The following MAPK10 variants were observed in gnomAD, a reference collection of about 807,000 sequenced individuals.
The protein encoded by MAPK10 is JNK3 alpha protein kinase.
Under a neutral mutation model 59.3 loss-of-function variants are expected in MAPK10, and 25 were observed. The observed-to-expected ratio is 0.42, with a 90% confidence interval of 0.31 to 0.59. MAPK10 has a LOEUF of 0.59. Ranked by LOEUF, MAPK10 falls within the 20% of genes least tolerant of loss-of-function variation. MAPK10 has a pLI of 0.15. For synonymous variants in MAPK10, 190 were observed against 200.5 expected, an observed-to-expected ratio of 0.95 and a Z score of 0.44; for missense variants, 351 against 568.9, an observed-to-expected ratio of 0.62 and a Z score of 3.90.
intron 2 of MAPK10, among the ~76,000 whole-genome samples, chr4:86,238,420 C>T (rs1433110868): frequency 1.3e-5 from 2 of 151,706 alleles, no homozygotes; most frequent in African/African-American, 4.8e-5. Context: ...AGCATTGAAT[C>T]TATAAATTAC....
chr4:86,531,445 C>T (rs1757846469), intron 1 of MAPK10, among the ~76,000 whole-genome samples: 1 of 152,092 alleles, frequency 6.6e-6, no homozygotes, highest in Non-Finnish European at 1.5e-5. Flanking sequence ...ATTGTTGATA[C>T]TACTATTATT....
intron 11 of MAPK10, among the ~76,000 whole-genome samples, chr4:86,061,490 A>G (rs2045752434): frequency 1.3e-5 from 2 of 152,124 alleles, no homozygotes; most frequent in African/African-American, 2.4e-5. Context: ...CAATTTTTAA[A>G]ATTTTCTAAC....
At chr4:86,262,810 C>T (rs1268945635) in intron 2 of MAPK10, among the ~76,000 whole-genome samples, 2 of 152,158 alleles carry the variant, frequency 1.3e-5, no homozygotes, top group Non-Finnish European at 2.9e-5. Flanking sequence ...GATTCTCTGC[C>T]TAACATCTTG....
intron 4 of MAPK10, among the ~76,000 whole-genome samples, chr4:86,128,253 C>G (rs2060402883): frequency 6.6e-6 from 1 of 152,104 alleles, no homozygotes; most frequent in South Asian, 2.1e-4. Context: ...ACTTGATTCT[C>G]ACTAAAACCA....
intron 1 of MAPK10, among the ~76,000 whole-genome samples, chr4:86,475,519 G>T (rs111280442): frequency 3.3e-5 from 5 of 152,116 alleles, no homozygotes; most frequent in Non-Finnish European, 5.9e-5. Context: ...CAGGAGACAC[G>T]TTTTATCCGT....
intron 2 of MAPK10, among the ~76,000 whole-genome samples, chr4:86,269,557 C>T (rs1452346994): frequency 6.6e-6 from 1 of 152,116 alleles, no homozygotes; most frequent in East Asian, 1.9e-4. Flanking sequence ...GGCCCTGCAT[C>T]TTTACACCTA....
chr4:86,378,232 C>T (rs1052690267), intron 1 of MAPK10, among the ~76,000 whole-genome samples: 1 of 152,202 alleles, frequency 6.6e-6, no homozygotes, highest in Non-Finnish European at 1.5e-5. Context: ...CATGCTCCAA[C>T]TCCTAGCTCC....
intron 1 of MAPK10, among the ~76,000 whole-genome samples, chr4:86,408,938 T>C (rs751736516): frequency 6.6e-6 from 1 of 152,264 alleles, no homozygotes; most frequent in Non-Finnish European, 1.5e-5. Context: ...GGCTTTTGTT[T>C]CCACTGCTTT....
intron 2 of MAPK10, among the ~76,000 whole-genome samples, chr4:86,283,019 T>G (rs539530282): frequency 6.6e-6 from 1 of 152,358 alleles, no homozygotes; most frequent in Admixed American, 6.5e-5. Flanking sequence ...AGATCATCTG[T>G]AATGTGTGTC....
chr4:86,019,847 C>T (rs1287765728), intron 13 of MAPK10, among the ~76,000 whole-genome samples: 6 of 152,170 alleles, frequency 3.9e-5, no homozygotes, highest in African/African-American at 1.4e-4. Context: ...TATCCCTAGA[C>T]TATGGATGCC....
chr4:86,167,238 C>CA (rs912114820), intron 3 of MAPK10, among the ~76,000 whole-genome samples: 29 of 151,698 alleles, frequency 1.9e-4, no homozygotes, highest in Non-Finnish European at 3.5e-4. Context: ...GCCTACCAAC[C>CA]AAAAAAAAGC....
chr4:86,469,999 T>C (rs1752532582), intron 1 of MAPK10, among the ~76,000 whole-genome samples: 1 of 152,228 alleles, frequency 6.6e-6, no homozygotes, highest in South Asian at 2.1e-4. Context: ...GGTTCTGGAA[T>C]AGCAAAAGAA....
chr4:86,106,190 T>C (rs2056499316), intron 5 of MAPK10, among the ~76,000 whole-genome samples: 1 of 152,146 alleles, frequency 6.6e-6, no homozygotes. Flanking sequence ...TATTTGCATT[T>C]CAAATATCTT....
intron 1 of MAPK10, among the ~76,000 whole-genome samples, chr4:86,537,567 C>T (rs1758345427): frequency 6.6e-6 from 1 of 152,128 alleles, no homozygotes; most frequent in Non-Finnish European, 1.5e-5. Flanking sequence ...CTGATTGTGA[C>T]ACGTCAAAAG....
intron 11 of MAPK10, among the ~76,000 whole-genome samples, chr4:86,057,023 G>A (rs946127703): frequency 2.0e-5 from 3 of 148,462 alleles, no homozygotes; most frequent in African/African-American, 7.7e-5. Context: ...GAGTGCAGTG[G>A]TGCGATCTCG....
At chr4:86,325,342 C>T (rs1254799634) in intron 2 of MAPK10, among the ~76,000 whole-genome samples, 1 of 152,172 alleles carries the variant, frequency 6.6e-6, no homozygotes. Context: ...AAGGTCACTA[C>T]TATTATCTCC....
chr4:86,260,858 CTAAG>C (rs1462746676), intron 2 of MAPK10, among the ~76,000 whole-genome samples: 1 of 152,052 alleles, frequency 6.6e-6, no homozygotes, highest in Non-Finnish European at 1.5e-5. Flanking sequence ...ACTAACTTTA[CTAAG>C]TATTTACTAT....
At chr4:86,320,498 C>A (rs2095867879) in intron 2 of MAPK10, among the ~76,000 whole-genome samples, 1 of 152,138 alleles carries the variant, frequency 6.6e-6, no homozygotes, top group Admixed American at 6.5e-5. Flanking sequence ...TGACTTAGAA[C>A]TTTGGATAAT....
intron 2 of MAPK10, among the ~76,000 whole-genome samples, chr4:86,229,463 A>G (rs2091203825): frequency 6.6e-6 from 1 of 152,200 alleles, no homozygotes; most frequent in Non-Finnish European, 1.5e-5. Flanking sequence ...TTTCAGTCAC[A>G]TGGAAATAAC....
Sources: gnomAD v4.1 joint callset for allele counts (sites outside exome capture counted in the v4.1 genomes callset) on GRCh38, gnomAD v4.1.1 for gene constraint, MANE v1.5 for transcripts, NCBI Gene and HGNC (gene_info 2026-07-23, HGNC 2026-07-21) for gene names.